Variants in OR1J2 observed in about 807,000 individuals in gnomAD.
OR1J2 encodes the protein olfactory receptor family 1 subfamily J member 2, also known as olfactory receptor 1J2.
For synonymous variants in OR1J2, 142 were observed against 99.7 expected, an observed-to-expected ratio of 1.42 and a Z score of -2.52; for missense variants, 304 against 246.1, an observed-to-expected ratio of 1.24 and a Z score of -1.57.
the OR1J2 span, chr9:122,520,109 A>T: frequency 6.5e-7 from 1 of 1,528,970 alleles, no homozygotes; most frequent in South Asian, 1.2e-5. Flanking sequence ...TAACAGACAT[A>T]TGTACTGACC....
At chr9:122,560,778 C>T in the OR1J2 span, among the ~76,000 whole-genome samples, 1 of 152,096 alleles carries the variant, frequency 6.6e-6, no homozygotes, top group Non-Finnish European at 1.5e-5. Context: ...TTCATTTCGA[C>T]CTTGGAGAAT....
the OR1J2 span, among the ~76,000 whole-genome samples, chr9:122,535,909 G>A: frequency 1.3e-5 from 2 of 152,128 alleles, no homozygotes; most frequent in African/African-American, 4.8e-5. Context: ...GGAAAAAGGG[G>A]TGTTGTTCTC....
chr9:122,578,835 C>G, the OR1J2 span, among the ~76,000 whole-genome samples: 1 of 152,066 alleles, frequency 6.6e-6, no homozygotes, highest in Non-Finnish European at 1.5e-5. Context: ...AAATAAAAGA[C>G]TACACACTGG....
chr9:122,467,186 C>G, the OR1J2 span, among the ~76,000 whole-genome samples: 5 of 152,234 alleles, frequency 3.3e-5, no homozygotes, highest in East Asian at 9.7e-4. Context: ...CTTAATCCCC[C>G]TAGCCTCAGT....
At chr9:122,506,483 T>C (rs1828524783), upstream of OR1J2, among the ~76,000 whole-genome samples, 1 of 152,182 alleles carries the variant, frequency 6.6e-6, no homozygotes, top group Non-Finnish European at 1.5e-5. Context: ...TTTGTACTTG[T>C]AGCTTTTATT....
At chr9:122,554,102 CAG>C in the OR1J2 span, 550 of 1,613,532 alleles carry the variant, frequency 3.4e-4, 6 homozygotes, top group Middle Eastern at 3.3e-4. Flanking sequence ...GCTTGAGGAA[CAG>C]AGACATGAAG....
At chr9:122,455,432 G>A in the OR1J2 span, among the ~76,000 whole-genome samples, 2 of 152,114 alleles carry the variant, frequency 1.3e-5, no homozygotes, top group Non-Finnish European at 2.9e-5. Context: ...ATTGTGTCTT[G>A]CATTTCCATA....
the OR1J2 span, among the ~76,000 whole-genome samples, chr9:122,456,579 C>T: frequency 2.9e-3 from 440 of 152,182 alleles, no homozygotes; most frequent in African/African-American, 9.8e-3. Context: ...AACACACACA[C>T]GAAAGAATAC....
upstream of OR1J2, among the ~76,000 whole-genome samples, chr9:122,507,467 C>T (rs1446059796): frequency 6.6e-6 from 1 of 152,118 alleles, no homozygotes; most frequent in African/African-American, 2.4e-5. Context: ...CAGTCTACAC[C>T]AAGGCATTGC....
chr9:122,525,857 CCCACTTAATG>C, the OR1J2 span, among the ~76,000 whole-genome samples: 1 of 152,178 alleles, frequency 6.6e-6, no homozygotes, highest in East Asian at 1.9e-4. Context: ...TGTCTTACTC[CCCACTTAATG>C]CCACAAACAA....
the OR1J2 span, among the ~76,000 whole-genome samples, chr9:122,529,805 G>C: frequency 6.6e-6 from 1 of 152,158 alleles, no homozygotes; most frequent in Non-Finnish European, 1.5e-5. Context: ...CAGCCAACAG[G>C]TAAGAGCTGG....
the OR1J2 span, among the ~76,000 whole-genome samples, chr9:122,451,983 A>C: frequency 5.7e-4 from 86 of 152,178 alleles, no homozygotes; most frequent in African/African-American, 2.0e-3. Context: ...GGTTCACGCC[A>C]TTCTCCTGCC....
the OR1J2 span, among the ~76,000 whole-genome samples, chr9:122,530,569 C>G: frequency 2.0e-5 from 3 of 152,082 alleles, no homozygotes; most frequent in South Asian, 6.2e-4. Flanking sequence ...ACTTTTTTCT[C>G]TATGAAAAGT....
chr9:122,571,784 G>A, the OR1J2 span, among the ~76,000 whole-genome samples: 1 of 151,820 alleles, frequency 6.6e-6, no homozygotes, highest in South Asian at 2.1e-4. Context: ...GTGGTGCAGT[G>A]GACAGTGCCT....
chr9:122,477,126 G>A, the OR1J2 span: 4 of 1,613,768 alleles, frequency 2.5e-6, no homozygotes, highest in African/African-American at 5.3e-5. Flanking sequence ...TCTTGTCATT[G>A]GTGTTGCTGG....
At chr9:122,485,658 C>A in the OR1J2 span, among the ~76,000 whole-genome samples, 2 of 152,172 alleles carry the variant, frequency 1.3e-5, no homozygotes, top group South Asian at 2.1e-4. Flanking sequence ...AGAGAGAGCC[C>A]TATGGCCAAC....
At chr9:122,578,571 G>C in the OR1J2 span, 1 of 151,996 alleles carries the variant, frequency 6.6e-6, no homozygotes, top group Non-Finnish European at 1.5e-5. Flanking sequence ...CAATCAGTGA[G>C]TGGATAAAGA....
At chr9:122,481,263 G>A in the OR1J2 span, among the ~76,000 whole-genome samples, 2 of 152,108 alleles carry the variant, frequency 1.3e-5, no homozygotes, top group African/African-American at 2.4e-5. Flanking sequence ...CCCTGCAAAG[G>A]ACATGATCTC....
At chr9:122,462,981 T>A in the OR1J2 span, among the ~76,000 whole-genome samples, 9 of 152,224 alleles carry the variant, frequency 5.9e-5, no homozygotes, top group Non-Finnish European at 1.3e-4. Flanking sequence ...CTAGCAAAGC[T>A]GGGGAATTTT....
Sources: allele counts gnomAD v4.1 joint callset (sites outside exome capture counted in the v4.1 genomes callset), GRCh38; gene constraint gnomAD v4.1.1; transcripts MANE v1.5; gene names NCBI Gene and HGNC (gene_info 2026-07-23, HGNC 2026-07-21).